Variants in GPC5 observed in about 807,000 individuals in gnomAD.
The protein encoded by GPC5 is glypican-5.
A neutral mutation model predicts 53.9 loss-of-function variants in GPC5; 47 were observed. That is an observed-to-expected ratio of 0.87 (90% CI 0.69 to 1.11). The LOEUF is 1.11. Among genes scored for constraint, GPC5 ranks in the 50% most tolerant of loss-of-function variants. GPC5 has a pLI of 0.00. For synonymous variants in GPC5, 286 were observed against 263.3 expected (o/e 1.09, Z -0.84); for missense variants, 748 against 713.1 (o/e 1.05, Z -0.56).
intron 2 of GPC5, among the ~76,000 whole-genome samples, chr13:91,601,340 G>A (rs1167553775): frequency 2.0e-5 from 3 of 152,272 alleles, no homozygotes; most frequent in South Asian, 4.1e-4. Context: ...AAGCATAGAA[G>A]TGGATGCTTA....
At chr13:92,110,803 G>T (rs568242996) in intron 6 of GPC5, among the ~76,000 whole-genome samples, 1 of 152,304 alleles carries the variant, frequency 6.6e-6, no homozygotes, top group East Asian at 1.9e-4. Flanking sequence ...GGAGAGGAAA[G>T]TTTCTGAGGC....
chr13:91,568,746 TTTTC>T (rs1292984547), intron 2 of GPC5, among the ~76,000 whole-genome samples: 10 of 151,476 alleles, frequency 6.6e-5, no homozygotes, highest in South Asian at 2.1e-4. Context: ...TGTTATTTCT[TTTTC>T]TTTCTTTCTT....
At chr13:92,668,380 C>T (rs188354536) in intron 7 of GPC5, among the ~76,000 whole-genome samples, 120 of 152,182 alleles carry the variant, frequency 7.9e-4, no homozygotes, top group African/African-American at 2.8e-3. Context: ...AGAGAAAGTA[C>T]CAACAATCTG....
chr13:92,333,692 A>C (rs2139238326), intron 7 of GPC5, among the ~76,000 whole-genome samples: 1 of 152,218 alleles, frequency 6.6e-6, no homozygotes, highest in South Asian at 2.1e-4. Context: ...CTTTTACTAC[A>C]ACATGCTACT....
chr13:92,251,309 A>T (rs1472717587), intron 7 of GPC5, among the ~76,000 whole-genome samples: 1 of 152,116 alleles, frequency 6.6e-6, no homozygotes, highest in Non-Finnish European at 1.5e-5. Context: ...GGCACCGTTA[A>T]CATGTTAGGC....
In GPC5 at chr13:91,966,739, A is replaced by G. The variant is rs138361526; in HGVS notation, c.1401+58682A>G. ...TCATGCATTGATCATGAGCTGAACT[A>G]TGATGTAAGTCATAAAAGGCCTGAT... On this transcript the variant is annotated intron_variant, in intron 6 of 7. Transcript: ENST00000377067. 8.5e-5 allele frequency among the ~76,000 whole-genome samples: 13 copies of G among 152,324 alleles called. No individual in the cohort carries two copies. The East Asian group carries it at 2.5e-3, about 29-fold the overall frequency.
intron 5 of GPC5, among the ~76,000 whole-genome samples, chr13:91,859,704 C>T (rs986072213): frequency 2.0e-5 from 3 of 149,304 alleles, no homozygotes; most frequent in African/African-American, 7.5e-5. Context: ...GAACTTTTCA[C>T]TTTGTGAATT....
At chr13:91,556,719 G>C (rs1259582657) in intron 2 of GPC5, among the ~76,000 whole-genome samples, 2 of 151,902 alleles carry the variant, frequency 1.3e-5, no homozygotes, top group Non-Finnish European at 2.9e-5. Context: ...TAACTCAGGA[G>C]TAAAAAACCA....
At chr13:92,465,155 C>G (rs1220523442) in intron 7 of GPC5, among the ~76,000 whole-genome samples, 3 of 151,956 alleles carry the variant, frequency 2.0e-5, no homozygotes, top group Non-Finnish European at 4.4e-5. Context: ...GTGATCAACT[C>G]TAAACAAGCT....
intron 2 of GPC5, among the ~76,000 whole-genome samples, chr13:91,640,656 C>G (rs562191276): frequency 1.3e-5 from 2 of 152,138 alleles, no homozygotes; most frequent in African/African-American, 2.4e-5. Flanking sequence ...ATAAATGATT[C>G]TATTATAAAG....
At chr13:92,450,436 T>C (rs1328305015) in intron 7 of GPC5, among the ~76,000 whole-genome samples, 1 of 152,196 alleles carries the variant, frequency 6.6e-6, no homozygotes, top group Non-Finnish European at 1.5e-5. Flanking sequence ...TTAATATTTT[T>C]GTGGACTCAT....
rs1292966192 is a variant in GPC5, at chr13:92,602,225, A to ATG, written c.1562-264056_1562-264055insGT. On this transcript the variant is annotated intron_variant, in intron 7 of 7. Transcript: ENST00000377067. ...ATATATATTACATATATATAAATAT[A>ATG]TATATAACATATATATATATATATA... 6.3e-3 allele frequency among the ~76,000 whole-genome samples: 310 copies of ATG among 48,968 alleles called. 6 individuals are homozygous for ATG. The highest frequency in any genetic ancestry group is 6.7e-3 in the Non-Finnish European group (162 of 24,120). 32.1% of individuals were successfully genotyped at this position (48,968 alleles called of 152,430 possible).
chr13:92,384,337 G>T (rs1370479433), intron 7 of GPC5, among the ~76,000 whole-genome samples: 1 of 152,064 alleles, frequency 6.6e-6, no homozygotes, highest in African/African-American at 2.4e-5. Context: ...CTCAGGATGA[G>T]ATATCACAAG....
chr13:92,639,153 GAATC>G lies in GPC5; in HGVS notation c.1562-227126_1562-227123del, dbSNP rs571286977. On this transcript the variant is annotated intron_variant, in intron 7 of 7. Coordinates refer to ENST00000377067, the MANE Select transcript of GPC5 (RefSeq NM_004466.6). ...TTATGATAGAGTAATACCAGTCACA[GAATC>G]AAGAAAGTCATCTAGTTTTATCTAC... 3.9e-3 allele frequency among the ~76,000 whole-genome samples: 597 copies of G among 152,218 alleles called. 2 individuals carry two copies. Among genetic ancestry groups the G allele is most frequent in the South Asian group, 7.0e-3 (34 of 4,828 alleles).
At chr13:92,187,178 G>T (rs534399168) in intron 7 of GPC5, among the ~76,000 whole-genome samples, 1 of 152,156 alleles carries the variant, frequency 6.6e-6, no homozygotes, top group African/African-American at 2.4e-5. Context: ...AATGTAACCT[G>T]TATTTACACG....
At chr13:91,678,336 G>A (rs949338630) in intron 2 of GPC5, among the ~76,000 whole-genome samples, 20 of 152,278 alleles carry the variant, frequency 1.3e-4, no homozygotes, top group Non-Finnish European at 2.8e-4. Flanking sequence ...AGAACATTTG[G>A]TGGTTAGAAT....
At chr13:92,158,991 G>T (rs1244715223) in intron 7 of GPC5, among the ~76,000 whole-genome samples, 1 of 152,180 alleles carries the variant, frequency 6.6e-6, no homozygotes, top group Admixed American at 6.5e-5. Flanking sequence ...TCAGTGAAAT[G>T]AGTGTGGTGC....
At chr13:91,906,551 G>A (rs2039555115) in intron 5 of GPC5, among the ~76,000 whole-genome samples, 1 of 152,010 alleles carries the variant, frequency 6.6e-6, no homozygotes. Flanking sequence ...GTAATAAAAT[G>A]TAATGAATAA....
At chr13:92,738,321 T>C (rs755506614) in intron 7 of GPC5, among the ~76,000 whole-genome samples, 7 of 152,074 alleles carry the variant, frequency 4.6e-5, no homozygotes, top group African/African-American at 7.2e-5. Flanking sequence ...TTTTATGCAA[T>C]GGTAAAGACT....
Sources: allele counts gnomAD v4.1 joint callset (sites outside exome capture counted in the v4.1 genomes callset), GRCh38; gene constraint gnomAD v4.1.1; transcripts MANE v1.5; gene names NCBI Gene and HGNC (gene_info 2026-07-23, HGNC 2026-07-21).